The following GRIN2D variants were observed in gnomAD, a reference collection of about 807,000 sequenced individuals.
GRIN2D encodes the protein glutamate receptor ionotropic, NMDA 2D.
A neutral mutation model predicts 103.2 loss-of-function variants in GRIN2D; 37 were observed. The observed-to-expected ratio is 0.36, with a 90% CI of 0.28 to 0.47. GRIN2D has a LOEUF of 0.47. Ranked by LOEUF, GRIN2D falls within the 20% of genes least tolerant of loss-of-function variation. The pLI, the probability that GRIN2D is intolerant of heterozygous loss-of-function variation, is 1.00. For missense variants in GRIN2D, 1,557 were observed against 1,910.6 expected (o/e 0.81, Z 3.45); for synonymous variants, 845 against 885.6 (o/e 0.95, Z 0.81).
At chr19:48,409,552 C>T (rs539900453) in intron 4 of GRIN2D, among the ~76,000 whole-genome samples, 58 of 152,108 alleles carry the variant, frequency 3.8e-4, no homozygotes, top group African/African-American at 1.3e-3. Context: ...GTTGGGATTA[C>T]GGGCGTGAGC....
At chr19:48,423,560 G>A (rs996229391) in intron 11 of GRIN2D, among the ~76,000 whole-genome samples, 1 of 152,146 alleles carries the variant, frequency 6.6e-6, no homozygotes, top group Admixed American at 6.6e-5. Context: ...GAAAGAGCTA[G>A]CCAGGTGGAC....
rs1971357311 is a variant in GRIN2D at position 48,444,422 on chromosome 19, C to T, written c.*485C>T. ...ACCTTGGCCCCGCCACACAGAAACC[C>T]CTGACCCAGACTGTGACATCCGACT... is the stretch of plus-strand genomic sequence containing the variant. On this transcript the variant is annotated 3_prime_UTR_variant, in exon 14 of 14. Coordinates refer to ENST00000263269, the MANE Select transcript of GRIN2D (RefSeq NM_000836.4). This position sits in a 1 kb window ranked among gnomAD's most constrained non-coding sequence, Gnocchi z 5.5. 6.5e-6 allele frequency: 1 copy of T among 153,452 alleles called. No individual in the cohort carries two copies. Among genetic ancestry groups the T allele is most frequent in the Non-Finnish European group, 1.5e-5 (1 of 68,816 alleles). 9.5% of individuals were successfully genotyped at this position (153,452 alleles called of 1,614,324 possible). A position where few individuals can be genotyped will look rare whatever the true frequency, so the allele number is the denominator to read the frequency against.
In GRIN2D at chr19:48,419,619, C is replaced by T; in HGVS notation, c.1896C>T (p.Ser632=). 6.2e-7 allele frequency: 1 copy of T among 1,613,614 alleles called. No homozygotes were observed. Among genetic ancestry groups the T allele is most frequent in the Non-Finnish European group, 8.5e-7 (1 of 1,179,892 alleles). Residue 632 remains serine (S), a synonymous_variant, in exon 10 of 14, where the codon TCC becomes TCT. Coordinates refer to ENST00000263269, the MANE Select transcript of GRIN2D (RefSeq NM_000836.4). ...PGGSTFTIGK[S]IWLLWALVFN... ...GTTCAACCTTCACCATTGGGAAATC[C>T]ATCTGGCTGCTCTGGGCCCTGGTGT...
chr19:48,400,502 C>T (rs1348190488), intron 3 of GRIN2D, among the ~76,000 whole-genome samples: 1 of 152,122 alleles, frequency 6.6e-6, no homozygotes, highest in African/African-American at 2.4e-5. Flanking sequence ...TCTTAACTGC[C>T]ACTTCCAAGG....
chr19:48,405,448 G>A lies in GRIN2D; in HGVS notation c.1085+95G>A. On this transcript the variant is annotated intron_variant, in intron 4 of 13. Transcript: ENST00000263269. The surrounding 1 kb of genome is among the most constrained non-coding windows in gnomAD (Gnocchi z 5.1). The stretch of plus-strand genomic sequence containing the variant: ...TGAGTGGCTCAAATGGGCCACATCT[G>A]CTCTTTGAGCCTCAGTTTTCTTTTC... 3.3e-6 allele frequency: 4 copies of A among 1,222,560 alleles called. No individual in the cohort carries two copies. Among genetic ancestry groups the A allele is most frequent in the South Asian group, 1.7e-5 (1 of 59,064 alleles). The allele number at this position is 1,222,560 out of a possible 1,614,324, so 75.7% of individuals were successfully genotyped here. A position where few individuals can be genotyped will look rare whatever the true frequency, so the allele number is the denominator to read the frequency against.
Position 48,442,544 on chromosome 19 carries a change from C to A in GRIN2D, c.2674-56C>A. On this transcript the variant is annotated intron_variant, in intron 13 of 13. Coordinates refer to ENST00000263269, the MANE Select transcript of GRIN2D (RefSeq NM_000836.4). This position sits in a 1 kb window ranked among gnomAD's most constrained non-coding sequence, Gnocchi z 7.2. Reference sequence around the variant, plus strand: ...AGAGGAGAGAGGGACTGAGGGGAGGCGGGCAGGCGTCCTGGGCATCTCGCG... The same window carrying A: ...AGAGGAGAGAGGGACTGAGGGGAGGAGGGCAGGCGTCCTGGGCATCTCGCG... 6.8e-7 allele frequency: 1 copy of A among 1,474,324 alleles called. No individual in the cohort carries two copies. The highest frequency in any genetic ancestry group is 9.0e-7 in the Non-Finnish European group (1 of 1,117,230). The allele number at this position is 1,474,324 out of a possible 1,614,324, so 91.3% of individuals were successfully genotyped here. A position where few individuals can be genotyped will look rare whatever the true frequency, so the allele number is the denominator to read the frequency against.
chr19:48,432,373 TG>T (rs1971168596), intron 11 of GRIN2D, among the ~76,000 whole-genome samples: 1 of 152,072 alleles, frequency 6.6e-6, no homozygotes. Context: ...TTTCCGTTGC[TG>T]GGTCTTTCAA....
At chr19:48,435,172 T>C (rs1971213454) in intron 11 of GRIN2D, among the ~76,000 whole-genome samples, 1 of 152,126 alleles carries the variant, frequency 6.6e-6, no homozygotes, top group South Asian at 2.1e-4. Flanking sequence ...GTGTCGGCAG[T>C]GATGGCTCCT....
chr19:48,423,628 G>A (rs1352589041), intron 11 of GRIN2D, among the ~76,000 whole-genome samples: 2 of 152,066 alleles, frequency 1.3e-5, no homozygotes, highest in Non-Finnish European at 2.9e-5. Context: ...CCTGAGGAAG[G>A]TGCAGTGTTG....
chr19:48,405,142 C>T lies in GRIN2D; in HGVS notation c.874C>T (p.Pro292Ser). The T allele has an allele frequency of 1.3e-6, 2 of 1,574,002 alleles. No homozygotes were observed. Among genetic ancestry groups the T allele is most frequent in the Non-Finnish European group, 8.6e-7 (1 of 1,160,810 alleles). ...GGGSGAPGEP[P>S]LLPGGAPLPA... ...GGGCTCTGGGGCCCCTGGTGAGCCCCCTCTTCTGCCAGGAGGCGCCCCCCT... is the reference window on the plus strand; with the variant it reads ...GGGCTCTGGGGCCCCTGGTGAGCCCTCTCTTCTGCCAGGAGGCGCCCCCCT... The change falls in exon 4 of 14, where the codon CCT (proline) becomes TCT (serine). Residue 292 changes from proline (P) to serine (S), a missense_variant. Pro to Ser is a moderately conservative substitution (Grantham distance 74). Coordinates refer to ENST00000263269, the MANE Select transcript of GRIN2D (RefSeq NM_000836.4). This position sits in a 1 kb window ranked among gnomAD's most constrained non-coding sequence, Gnocchi z 5.1.
intron 10 of GRIN2D, among the ~76,000 whole-genome samples, chr19:48,420,424 T>C (rs1010916957): frequency 6.6e-6 from 1 of 151,800 alleles, no homozygotes; most frequent in East Asian, 1.9e-4. Context: ...TTAGACTCTG[T>C]CTCAAAAAAA....
intron 11 of GRIN2D, among the ~76,000 whole-genome samples, chr19:48,428,666 G>A (rs1204459291): frequency 2.0e-5 from 3 of 152,002 alleles, no homozygotes; most frequent in Non-Finnish European, 1.5e-5. Flanking sequence ...CCCGGCCCAA[G>A]TTCCCCTTTT....
intron 11 of GRIN2D, among the ~76,000 whole-genome samples, chr19:48,426,220 C>CTTTT (rs1253186603): frequency 7.9e-6 from 1 of 127,104 alleles, no homozygotes; most frequent in African/African-American, 3.5e-5. Context: ...TTCTTTCTTT[C>CTTTT]TTTCTTTTTT....
In GRIN2D at chr19:48,415,047, G is replaced by C. The variant is rs778798484; in HGVS notation, c.1581+15G>C. 6.4e-7 allele frequency: 1 copy of C among 1,562,224 alleles called. No individual in the cohort carries two copies. The highest frequency in any genetic ancestry group is 8.7e-7 in the Non-Finnish European group (1 of 1,149,546). ...TGATCGGGGAGGTGAGGGGGCGGACGGGAGGCGGGGAATCTTCGGGGCGGA... is the reference window on the plus strand; with the variant it reads ...TGATCGGGGAGGTGAGGGGGCGGACCGGAGGCGGGGAATCTTCGGGGCGGA... On this transcript the variant is annotated intron_variant, in intron 7 of 13. Transcript: ENST00000263269.
chr19:48,407,255 G>C lies in GRIN2D; in HGVS notation c.1085+1902G>C, dbSNP rs573367576. On this transcript the variant is annotated intron_variant, in intron 4 of 13. Transcript: ENST00000263269. Reference sequence around the variant, plus strand: ...CCCAAAGTGCTGGGATTCCAGCCGTGAGCCACCGAGCCCAGCTGGTTCTGT... The same window carrying C: ...CCCAAAGTGCTGGGATTCCAGCCGTCAGCCACCGAGCCCAGCTGGTTCTGT... Among the ~76,000 whole-genome samples, 44 of 151,814 alleles carry C rather than the reference G, an allele frequency of 2.9e-4. 1 individual carries two copies. The highest frequency in any genetic ancestry group is 9.9e-4 in the African/African-American group (41 of 41,286).
rs2147450573 is a variant in GRIN2D at position 48,414,022 on chromosome 19, G to A, written c.1117G>A (p.Asp373Asn). Residue 373 changes from aspartate (D) to asparagine (N), a missense_variant, in exon 5 of 14, where the codon GAT (aspartate) becomes AAT (asparagine). Transcript: ENST00000263269. The surrounding 1 kb of genome is among the most constrained non-coding windows in gnomAD (Gnocchi z 4.6). ...YFMNITWDNR[D>N]YSFNEDGFLV... is the part of the protein sequence containing the mutation. Reference sequence around the variant, plus strand: ...CATGAACATCACGTGGGATAACCGGGATTACTCCTTCAATGAGGACGGCTT... The same window carrying A: ...CATGAACATCACGTGGGATAACCGGAATTACTCCTTCAATGAGGACGGCTT... The A allele has an allele frequency of 1.9e-6, 3 of 1,611,880 alleles. No homozygotes were observed. The highest frequency in any genetic ancestry group is 2.5e-6 in the Non-Finnish European group (3 of 1,178,004).
chr19:48,435,950 G>C lies in GRIN2D; in HGVS notation c.2253-5819G>C, dbSNP rs536473653. Among the ~76,000 whole-genome samples the C allele has an allele frequency of 2.6e-5, 4 of 152,366 alleles. No homozygotes were observed. The South Asian group carries it at 8.3e-4, about 32-fold the overall frequency. ...GCGCTATGGGTAAAAATAGGGCAGGGTGAATGCATTTGGAAAACTGGGGCG... is the reference window on the plus strand; with the variant it reads ...GCGCTATGGGTAAAAATAGGGCAGGCTGAATGCATTTGGAAAACTGGGGCG... On this transcript the variant is annotated intron_variant, in intron 11 of 13. Transcript: ENST00000263269.
intron 11 of GRIN2D, among the ~76,000 whole-genome samples, chr19:48,424,824 C>T (rs1161087287): frequency 6.6e-6 from 1 of 152,128 alleles, no homozygotes; most frequent in Admixed American, 6.6e-5. Context: ...AAAAAGTTTC[C>T]TAGTCAACAT....
intron 3 of GRIN2D, among the ~76,000 whole-genome samples, chr19:48,402,150 A>AAGAAAG (rs1444931096): frequency 2.9e-5 from 4 of 139,270 alleles, no homozygotes; most frequent in Non-Finnish European, 4.9e-5. Context: ...GAAAGAAAGA[A>AAGAAAG]AGAAAGAAAG....
Sources: gnomAD v4.1 joint callset for allele counts (sites outside exome capture counted in the v4.1 genomes callset) on GRCh38, gnomAD v4.1.1 for gene constraint, Gnocchi (gnomAD v3.1) non-coding constraint, MANE v1.5 for transcripts, NCBI Gene and HGNC (gene_info 2026-07-23, HGNC 2026-07-21) for gene names.